The following NFIB variants were observed in gnomAD, a reference collection of about 807,000 sequenced individuals.
NFIB encodes nuclear factor I B.
NFIB carries 11 observed loss-of-function variants against 61.5 expected under a neutral mutation model. The ratio of observed to expected loss-of-function variants is 0.18; its 90% CI spans 0.11 to 0.30. The LOEUF (loss-of-function observed/expected upper bound fraction) is 0.30, where lower values mean the gene tolerates loss of function less well. NFIB is among the 10% of genes least tolerant of loss of function. The pLI is 1.00. For missense variants in NFIB, 471 were observed against 608.9 expected (o/e 0.77, Z 2.38); for synonymous variants, 260 against 216.5 (o/e 1.20, Z -1.76).
intron 3 of NFIB, among the ~76,000 whole-genome samples, chr9:14,175,305 C>T (rs1462595866): frequency 6.6e-6 from 1 of 151,540 alleles, no homozygotes; most frequent in Non-Finnish European, 1.5e-5. Flanking sequence ...TCCCCAGCAG[C>T]TGAGACTACA....
chr9:14,464,418 C>A, the NFIB span, among the ~76,000 whole-genome samples: 1 of 152,160 alleles, frequency 6.6e-6, no homozygotes, highest in African/African-American at 2.4e-5. Flanking sequence ...TCATCCAAAC[C>A]TAGACGGTGC....
At chr9:14,148,370 T>G (rs893099648) in intron 5 of NFIB, among the ~76,000 whole-genome samples, 1 of 152,064 alleles carries the variant, frequency 6.6e-6, no homozygotes, top group African/African-American at 2.4e-5. Flanking sequence ...TGCCTGGGCC[T>G]CCCAAAGTAC....
chr9:14,516,131 G>C, the NFIB span, among the ~76,000 whole-genome samples: 1 of 152,180 alleles, frequency 6.6e-6, no homozygotes, highest in East Asian at 1.9e-4. Flanking sequence ...CAATTGCCTC[G>C]AACCACAGTC....
At chr9:14,531,019 TC>T in the NFIB span, among the ~76,000 whole-genome samples, 1 of 152,216 alleles carries the variant, frequency 6.6e-6, no homozygotes, top group African/African-American at 2.4e-5. Flanking sequence ...GGTTCCCCAT[TC>T]TTGTCACGAC....
At chr9:14,322,767 G>T (rs895864243) in intron 1 of NFIB, among the ~76,000 whole-genome samples, 2 of 151,940 alleles carry the variant, frequency 1.3e-5, no homozygotes, top group Non-Finnish European at 2.9e-5. Flanking sequence ...TGCGCCGCGC[G>T]GCGCCCCTCT....
At chr9:14,394,086 C>G (rs2061655056) in intron 1 of NFIB, among the ~76,000 whole-genome samples, 1 of 152,180 alleles carries the variant, frequency 6.6e-6, no homozygotes, top group Admixed American at 6.5e-5. Context: ...TTTACAGATG[C>G]CTACCACATG....
At chr9:14,407,210 T>G in the NFIB span, among the ~76,000 whole-genome samples, 1 of 152,210 alleles carries the variant, frequency 6.6e-6, no homozygotes, top group African/African-American at 2.4e-5. Flanking sequence ...CTTAGGATAA[T>G]GCCAAACATC....
chr9:14,279,214 G>A (rs2058206865), intron 2 of NFIB, among the ~76,000 whole-genome samples: 1 of 152,066 alleles, frequency 6.6e-6, no homozygotes, highest in South Asian at 2.1e-4. Context: ...CACTGGTAAT[G>A]GAACCAAAAA....
chr9:14,190,321 A>G lies in NFIB; in HGVS notation c.563-10541T>C, dbSNP rs1354290730. Among the ~76,000 whole-genome samples the G allele has an allele frequency of 4.6e-5, 7 of 152,232 alleles. No homozygotes were observed. In the South Asian group the frequency reaches 8.3e-4, roughly 18 times the overall value. On this transcript the variant is annotated intron_variant, in intron 2 of 10. Coordinates refer to ENST00000380953, the MANE Select transcript of NFIB (RefSeq NM_001190737.2). Reference sequence around the variant, plus strand: ...TGCATAGCAATTAACTGGATAACAGAGTAAGATGATGCATAGCCTACTTTC... The same window carrying G: ...TGCATAGCAATTAACTGGATAACAGGGTAAGATGATGCATAGCCTACTTTC...
the NFIB span, among the ~76,000 whole-genome samples, chr9:14,472,819 C>T: frequency 6.6e-6 from 1 of 150,778 alleles, no homozygotes; most frequent in African/African-American, 2.4e-5. Context: ...GCAGCCTGGG[C>T]GACAGAGCGA....
intron 10 of NFIB, among the ~76,000 whole-genome samples, chr9:14,100,896 A>C (rs2035679513): frequency 6.6e-6 from 1 of 152,172 alleles, no homozygotes. Flanking sequence ...CTGGTTTGCA[A>C]TTGTTATAAA....
intron 2 of NFIB, among the ~76,000 whole-genome samples, chr9:14,183,536 T>A (rs1200729361): frequency 6.6e-6 from 1 of 151,908 alleles, no homozygotes; most frequent in African/African-American, 2.4e-5. Context: ...CCCGAGTAGC[T>A]AGGACTACAG....
At chr9:14,162,992 G>C (rs936499719) in intron 3 of NFIB, among the ~76,000 whole-genome samples, 1 of 151,918 alleles carries the variant, frequency 6.6e-6, no homozygotes, top group Non-Finnish European at 1.5e-5. Flanking sequence ...CAGCCCTGGG[G>C]CAAGACTATC....
At chr9:14,291,442 G>T (rs1408488952) in intron 2 of NFIB, among the ~76,000 whole-genome samples, 1 of 152,082 alleles carries the variant, frequency 6.6e-6, no homozygotes, top group African/African-American at 2.4e-5. Flanking sequence ...CCAAGATCAC[G>T]CCACTGCACT....
chr9:14,159,710 A>T (rs2043919722), intron 3 of NFIB, among the ~76,000 whole-genome samples: 1 of 152,228 alleles, frequency 6.6e-6, no homozygotes, highest in Admixed American at 6.5e-5. Context: ...ACTCATTAGC[A>T]TACAGAAGAC....
the NFIB span, among the ~76,000 whole-genome samples, chr9:14,495,445 A>ATTTTTTTT: frequency 0.096 from 9,241 of 96,602 alleles, 627 homozygotes; most frequent in East Asian, 0.28. Context: ...AGAGAAATGA[A>ATTTTTTTT]CTTTTTTTTT....
the NFIB span, among the ~76,000 whole-genome samples, chr9:14,452,442 GAAA>G: frequency 0.57 from 65,884 of 116,434 alleles, 20,746 homozygotes; most frequent in African/African-American, 0.75. Context: ...GGAGGGGAAG[GAAA>G]GGAAAGGAAA....
At chr9:14,438,859 G>A in the NFIB span, among the ~76,000 whole-genome samples, 1 of 152,162 alleles carries the variant, frequency 6.6e-6, no homozygotes, top group East Asian at 1.9e-4. Context: ...AAGAGGGGTG[G>A]CAACAGGACG....
At chr9:14,178,551 C>A (rs2046411960) in intron 3 of NFIB, among the ~76,000 whole-genome samples, 1 of 151,982 alleles carries the variant, frequency 6.6e-6, no homozygotes, top group Non-Finnish European at 1.5e-5. Flanking sequence ...GAAGTGTATA[C>A]TACTTTTGTC....
Sources: gnomAD v4.1 joint callset for allele counts (sites outside exome capture counted in the v4.1 genomes callset) on GRCh38, gnomAD v4.1.1 for gene constraint, MANE v1.5 for transcripts, NCBI Gene and HGNC (gene_info 2026-07-23, HGNC 2026-07-21) for gene names.